The following MID2 variants were observed in gnomAD, a reference collection of about 807,000 sequenced individuals.
MID2 encodes midline 2, also known as probable E3 ubiquitin-protein ligase MID2.
MID2 carries 13 observed loss-of-function variants against 46.1 expected under a neutral mutation model. The observed-to-expected ratio is 0.28, with a 90% CI of 0.18 to 0.45. The LOEUF (loss-of-function observed/expected upper bound fraction) is 0.45. Among genes scored for constraint, MID2 ranks in the 20% least tolerant of loss-of-function variants. The pLI, the probability that MID2 is intolerant of heterozygous loss-of-function variation, is 1.00. For synonymous variants in MID2, 199 were observed against 212.3 expected, an observed-to-expected ratio of 0.94 and a Z score of 0.55; for missense variants, 431 against 575.4, an observed-to-expected ratio of 0.75 and a Z score of 2.57.
intron 3 of MID2, among the ~76,000 whole-genome samples, chrX:107,855,050 G>C (rs1054989167): frequency 9.0e-6 from 1 of 111,046 alleles, no homozygotes; most frequent in South Asian, 3.9e-4. Flanking sequence ...GAGTGTCATA[G>C]GGAAGTTGGG....
intron 3 of MID2, among the ~76,000 whole-genome samples, chrX:107,887,583 C>G (rs2147852946): frequency 9.0e-6 from 1 of 111,447 alleles, no homozygotes; most frequent in East Asian, 2.8e-4. Flanking sequence ...GTCTAAAATT[C>G]TCTTTTTTTG....
chrX:107,930,603 A>G lies in MID2; in HGVS notation c.*3530A>G, dbSNP rs1198218407. On this transcript the variant is annotated 3_prime_UTR_variant, in exon 10 of 10. Coordinates refer to ENST00000262843, the MANE Select transcript of MID2 (RefSeq NM_012216.4). ...TGAAAAATGACTTCTAAGATACAAC[A>G]TGGTGACAAAGTACTTAGTGGGGGT... Among the ~76,000 whole-genome samples the G allele has an allele frequency of 8.9e-6, 1 of 112,130 alleles. No homozygotes were observed. The highest frequency in any genetic ancestry group is 2.8e-4 in the East Asian group (1 of 3,576).
chrX:107,925,948 A>T, intron 8 of MID2, 146 bp from the exon 9 acceptor site: 2 of 402,176 alleles, frequency 5.0e-6, no homozygotes, highest in Non-Finnish European at 8.4e-6. Flanking sequence ...TTTCTTAATA[A>T]AATTTAAACA....
chrX:107,918,467 T>C (rs1933010661), intron 7 of MID2, among the ~76,000 whole-genome samples: 1 of 112,133 alleles, frequency 8.9e-6, no homozygotes, highest in Non-Finnish European at 1.9e-5. Flanking sequence ...TATTTTCTTT[T>C]ACTTTTTTGT....
intron 3 of MID2, among the ~76,000 whole-genome samples, chrX:107,891,921 C>T (rs1255397082): frequency 9.0e-6 from 1 of 111,636 alleles, no homozygotes; most frequent in Admixed American, 9.5e-5. Flanking sequence ...TGTTTTCTGT[C>T]TGCCTGGAAT....
At chrX:107,887,408 TTA>T (rs745336722) in intron 3 of MID2, among the ~76,000 whole-genome samples, 11 of 112,212 alleles carry the variant, frequency 9.8e-5, no homozygotes, top group Non-Finnish European at 1.9e-4. Context: ...TTGATTCTGT[TTA>T]TATGCTGGAT....
chrX:107,899,190 C>A (rs975380413), intron 3 of MID2, among the ~76,000 whole-genome samples: 3 of 98,275 alleles, frequency 3.1e-5, no homozygotes, highest in African/African-American at 1.1e-4. Flanking sequence ...CCTCCCCCCC[C>A]CCAAAAATCC....
chrX:107,838,444 T>C (rs1931256792), intron 1 of MID2, among the ~76,000 whole-genome samples: 1 of 112,090 alleles, frequency 8.9e-6, no homozygotes. Flanking sequence ...GCCAACAACT[T>C]TCAAGCACCT....
In MID2 at chrX:107,928,240, G is replaced by A. The variant is rs1933220830; in HGVS notation, c.*1167G>A. ...AAACACTTCTGAAGTGCTCAAGAAT[G>A]TCTGAAAACAGTTTGTTTTCTTAAA... On this transcript the variant is annotated 3_prime_UTR_variant, in exon 10 of 10. Transcript: ENST00000262843. 9.0e-6 allele frequency among the ~76,000 whole-genome samples: 1 copy of A among 111,525 alleles called. No homozygotes were observed. Among genetic ancestry groups the A allele is most frequent in the African/African-American group, 3.3e-5 (1 of 30,746 alleles).
chrX:107,839,003 G>A (rs2147824445), intron 1 of MID2, among the ~76,000 whole-genome samples: 1 of 110,840 alleles, frequency 9.0e-6, no homozygotes, highest in Admixed American at 9.5e-5. Context: ...TCCAGGAGGC[G>A]GAGCCCAGGA....
chrX:107,836,687 T>A (rs923717768), intron 1 of MID2, among the ~76,000 whole-genome samples: 3 of 110,770 alleles, frequency 2.7e-5, no homozygotes, highest in African/African-American at 9.9e-5. Context: ...GGGGGATAAT[T>A]GAAAGGATTC....
At chrX:107,859,004 C>T (rs1931800191) in intron 3 of MID2, among the ~76,000 whole-genome samples, 2 of 111,318 alleles carry the variant, frequency 1.8e-5, no homozygotes, top group Non-Finnish European at 3.8e-5. Context: ...GGAATTTCAG[C>T]TTTCTGTCTT....
At position 107,924,483 on chromosome X, in the gene MID2, C is replaced by T; in HGVS notation, c.1576C>T (p.Pro526Ser). ...CCAAGCCGGCAGCCGGAACAGTGAA[C>T]CTACCCGACTAAAAACAAACAGTAC... ...INQAGSRNSE[P>S]TRLKTNSQPF... The change falls in exon 8 of 10, where the codon CCT becomes TCT. Residue 526 changes from proline (P) to serine (S), a missense_variant. By Grantham distance (74) the Pro-to-Ser change is moderately conservative. Transcript: ENST00000262843. 2 of 1,211,420 alleles carry T rather than the reference C, an allele frequency of 1.7e-6. No homozygotes were observed. The highest frequency in any genetic ancestry group is 2.2e-6 in the Non-Finnish European group (2 of 895,190).
chrX:107,886,486 C>G (rs1037726113), intron 3 of MID2, among the ~76,000 whole-genome samples: 3 of 112,019 alleles, frequency 2.7e-5, no homozygotes, highest in Admixed American at 9.4e-5. Context: ...ATCTATATCT[C>G]TGTTTTGGTA....
chrX:107,890,592 C>T (rs1033655238), intron 3 of MID2, among the ~76,000 whole-genome samples: 10 of 112,427 alleles, frequency 8.9e-5, no homozygotes, highest in African/African-American at 1.6e-4. Context: ...GGCAGTCTGT[C>T]TGTTCTCAGA....
chrX:107,859,190 T>C lies in MID2; in HGVS notation c.816+4486T>C, dbSNP rs747300839. On this transcript the variant is annotated intron_variant, in intron 3 of 9. Coordinates refer to ENST00000262843, the MANE Select transcript of MID2 (RefSeq NM_012216.4). ...AGATGTCTGGCTGCTTCTCCAAGCA[T>C]AAAATATAAATATTTTAAAATAAAT... 2.3e-4 allele frequency among the ~76,000 whole-genome samples: 26 copies of C among 111,906 alleles called. No individual in the cohort carries two copies. The South Asian group carries it at 9.8e-3, about 42-fold the overall frequency.
At chrX:107,885,590 T>C (rs1262857789) in intron 3 of MID2, among the ~76,000 whole-genome samples, 2 of 111,390 alleles carry the variant, frequency 1.8e-5, no homozygotes, top group Non-Finnish European at 3.8e-5. Flanking sequence ...ATACGTGTGC[T>C]CGTGTCTTTA....
At chrX:107,885,354 G>A (rs1306621399) in intron 3 of MID2, among the ~76,000 whole-genome samples, 4 of 100,939 alleles carry the variant, frequency 4.0e-5, no homozygotes, top group Non-Finnish European at 5.9e-5. Context: ...TCCCACCTAT[G>A]AGTGAGAACA....
chrX:107,834,428 T>C (rs1473926464), intron 1 of MID2, among the ~76,000 whole-genome samples: 2 of 112,169 alleles, frequency 1.8e-5, no homozygotes, highest in African/African-American at 3.2e-5. Context: ...TTACCTGTCA[T>C]TGAGTTGCAC....
Sources: allele counts gnomAD v4.1 joint callset (sites outside exome capture counted in the v4.1 genomes callset), GRCh38; gene constraint gnomAD v4.1.1; transcripts MANE v1.5; gene names NCBI Gene and HGNC (gene_info 2026-07-23, HGNC 2026-07-21).